HSDL1: variants seen among roughly 807,000 people sequenced by gnomAD.
HSDL1 encodes inactive hydroxysteroid dehydrogenase-like protein 1.
A neutral mutation model predicts 31.5 loss-of-function variants in HSDL1; 29 were observed. That is an observed-to-expected ratio of 0.92 (90% CI 0.69 to 1.26). The LOEUF (loss-of-function observed/expected upper bound fraction) is 1.26, where lower values mean the gene tolerates loss of function less well. Ranked by LOEUF, HSDL1 falls within the 50% of genes most tolerant of loss-of-function variation. The pLI is 0.00. For synonymous variants in HSDL1, 222 were observed against 155.2 expected (o/e 1.43, Z -3.20); for missense variants, 503 against 416.6 (o/e 1.21, Z -1.81).
In HSDL1 at chr16:84,122,643, C is replaced by T. The variant is rs542157285; in HGVS notation, c.*1987G>A. On this transcript the variant is annotated 3_prime_UTR_variant, in exon 6 of 6. Transcript: ENST00000219439. Reference sequence around the variant, plus strand: ...CTGGGATTACAGGTGTGAGCCACCGCACTCGGCCCCTATTTCCCACATTCT... The same window carrying T: ...CTGGGATTACAGGTGTGAGCCACCGTACTCGGCCCCTATTTCCCACATTCT... The T allele has an allele frequency of 6.6e-6, 1 of 152,352 alleles. No homozygotes were observed. Among genetic ancestry groups the T allele is most frequent in the East Asian group, 1.9e-4 (1 of 5,186 alleles). The allele number at this position is 152,352 out of a possible 1,614,324, so 9.4% of individuals were successfully genotyped here. A position where few individuals can be genotyped will look rare whatever the true frequency, so the allele number is the denominator to read the frequency against.
At chr16:84,133,420 T>C (rs2086685836) in intron 2 of HSDL1, among the ~76,000 whole-genome samples, 1 of 152,220 alleles carries the variant, frequency 6.6e-6, no homozygotes, top group Admixed American at 6.5e-5. Flanking sequence ...GTTACCAAAT[T>C]AAGCCAATGT....
At chr16:84,137,225 T>C (rs1372706532) in intron 1 of HSDL1, among the ~76,000 whole-genome samples, 2 of 152,156 alleles carry the variant, frequency 1.3e-5, no homozygotes, top group African/African-American at 4.8e-5. Flanking sequence ...GAGCAGAATT[T>C]CTGGGCAGAG....
At chr16:84,131,825 G>A (rs563624917) in intron 2 of HSDL1, among the ~76,000 whole-genome samples, 7 of 151,368 alleles carry the variant, frequency 4.6e-5, no homozygotes, top group African/African-American at 7.3e-5. Context: ...GACTACAGGC[G>A]CCCGCCACCT....
chr16:84,132,443 G>C (rs2086677881), intron 2 of HSDL1, among the ~76,000 whole-genome samples: 1 of 152,134 alleles, frequency 6.6e-6, no homozygotes, highest in Admixed American at 6.5e-5. Flanking sequence ...TGACAATAGA[G>C]GGAGCACTCC....
At chr16:84,136,558 C>T (rs951824363) in intron 1 of HSDL1, among the ~76,000 whole-genome samples, 1 of 152,218 alleles carries the variant, frequency 6.6e-6, no homozygotes, top group Non-Finnish European at 1.5e-5. Flanking sequence ...TGATCCTTTA[C>T]AGAAAGAAAA....
rs1302077998 is a variant in HSDL1 at position 84,124,587 on chromosome 16, G to A, written c.*43C>T. The A allele has an allele frequency of 1.7e-6, 2 of 1,146,400 alleles. No individual in the cohort carries two copies. The highest frequency in any genetic ancestry group is 1.7e-5 in the Admixed American group (1 of 58,186). The allele number at this position is 1,146,400 out of a possible 1,614,324, so 71.0% of individuals were successfully genotyped here. A position where few individuals can be genotyped will look rare whatever the true frequency, so the allele number is the denominator to read the frequency against. ...GTTTTTCCAAATGTCAGAATATCGA[G>A]GTTCCCAGGAGTTGGCAAAACTTCT... On this transcript the variant is annotated 3_prime_UTR_variant, in exon 6 of 6. Coordinates refer to ENST00000219439, the MANE Select transcript of HSDL1 (RefSeq NM_031463.5).
intron 1 of HSDL1, among the ~76,000 whole-genome samples, chr16:84,137,306 C>G (rs938584448): frequency 6.6e-6 from 1 of 152,206 alleles, no homozygotes; most frequent in Non-Finnish European, 1.5e-5. Context: ...CTGGCCTACT[C>G]GGGAAACATT....
chr16:84,133,734 A>G (rs1345082407), intron 2 of HSDL1, among the ~76,000 whole-genome samples: 1 of 152,108 alleles, frequency 6.6e-6, no homozygotes, highest in East Asian at 1.9e-4. Flanking sequence ...ATCTCGAAAC[A>G]AACAAACAAA....
Position 84,131,828 on chromosome 16 carries a change from C to G in HSDL1, c.-6-501G>C, listed in dbSNP as rs1018978021. Among the ~76,000 whole-genome samples the G allele has an allele frequency of 2.6e-5, 4 of 151,416 alleles. No homozygotes were observed. The East Asian group carries it at 7.7e-4, about 29-fold the overall frequency. On this transcript the variant is annotated intron_variant, in intron 2 of 5. Coordinates refer to ENST00000219439, the MANE Select transcript of HSDL1 (RefSeq NM_031463.5). ...CGGAGTAGCTGGGACTACAGGCGCC[C>G]GCCACCTCGCCCGGCTAATTTTTTG...
Position 84,129,687 on chromosome 16 carries a change from G to T in HSDL1, c.755C>A (p.Ala252Asp). 6.2e-7 allele frequency: 1 copy of T among 1,614,174 alleles called. No homozygotes were observed. The highest frequency in any genetic ancestry group is 8.5e-7 in the Non-Finnish European group (1 of 1,180,016). Residue 252 changes from alanine to aspartate, a missense_variant, in exon 5 of 6, where the codon GCC becomes GAC. Ala to Asp is a moderately radical substitution (Grantham distance 126). Transcript: ENST00000219439. ...FVQSLIPFYVATSMTAPSNFL... is the reference protein window; with the variant it reads ...FVQSLIPFYVDTSMTAPSNFL... ...GTTGCTGGGTGCTGTCATGCTGGTG[G>T]CTACATAGAAAGGGATTAGACTCTG...
chr16:84,143,366 T>C (rs1229834132), intron 1 of HSDL1, among the ~76,000 whole-genome samples: 1 of 152,224 alleles, frequency 6.6e-6, no homozygotes, highest in Non-Finnish European at 1.5e-5. Flanking sequence ...CCGTATGTTG[T>C]ATGTTTCCAC....
At position 84,124,407 on chromosome 16, in the gene HSDL1, G is replaced by A. The variant is rs1243657100; in HGVS notation, c.*223C>T. ...AGGGAAAAAGCACTGAAATGTAGAT[G>A]TCGTCAATCAGCCTCAGGCATTATT... On this transcript the variant is annotated 3_prime_UTR_variant, in exon 6 of 6. Transcript: ENST00000219439. The A allele has an allele frequency of 9.8e-6, 4 of 409,612 alleles. No individual in the cohort carries two copies. The highest frequency in any genetic ancestry group is 1.4e-5 in the Non-Finnish European group (3 of 221,074). The allele number at this position is 409,612 out of a possible 1,614,324, so 25.4% of individuals were successfully genotyped here.
rs2086581808 is a variant in HSDL1, at chr16:84,124,378, G to C, written c.*252C>G. On this transcript the variant is annotated 3_prime_UTR_variant, in exon 6 of 6. Transcript: ENST00000219439. The stretch of plus-strand genomic sequence containing the variant: ...AACAGAAAAGCGTAACTTTCAAACA[G>C]CTTAGGGAAAAAGCACTGAAATGTA... 1 of 341,044 alleles carries C rather than the reference G, an allele frequency of 2.9e-6. No individual in the cohort carries two copies. The highest frequency in any genetic ancestry group is 2.1e-5 in the African/African-American group (1 of 47,836). 21.1% of individuals were successfully genotyped at this position (341,044 alleles called of 1,614,324 possible).
chr16:84,123,246 T>A lies in HSDL1; in HGVS notation c.*1384A>T, dbSNP rs112094153. On this transcript the variant is annotated 3_prime_UTR_variant, in exon 6 of 6. Coordinates refer to ENST00000219439, the MANE Select transcript of HSDL1 (RefSeq NM_031463.5). ...AAAATTGTGTTCATAAAACTGTGCT[T>A]AGGTCTGCTTATGATAGATTATCAC... The A allele has an allele frequency of 6.6e-6, 1 of 152,196 alleles. No individual in the cohort carries two copies. Among genetic ancestry groups the A allele is most frequent in the East Asian group, 1.9e-4 (1 of 5,204 alleles). The allele number at this position is 152,196 out of a possible 1,614,324, so 9.4% of individuals were successfully genotyped here.
In HSDL1 at chr16:84,145,139, G is replaced by C. The variant is rs1051002628; in HGVS notation, c.-128C>G. 50 of 200,936 alleles carry C rather than the reference G, an allele frequency of 2.5e-4. No homozygotes were observed. The highest frequency in any genetic ancestry group is 3.8e-4 in the Non-Finnish European group (39 of 101,562). 12.4% of individuals were successfully genotyped at this position (200,936 alleles called of 1,614,324 possible). ...CCAGACCCGCGCGGCCGCCGCCCCCGTCTCGGCCGCCGGAGCTGCTGCCGC... is the reference window on the plus strand; with the variant it reads ...CCAGACCCGCGCGGCCGCCGCCCCCCTCTCGGCCGCCGGAGCTGCTGCCGC... On this transcript the variant is annotated 5_prime_UTR_variant, in exon 1 of 6. Transcript: ENST00000219439.
intron 1 of HSDL1, among the ~76,000 whole-genome samples, chr16:84,143,609 C>G (rs947663024): frequency 2.0e-5 from 3 of 151,890 alleles, no homozygotes; most frequent in Admixed American, 2.0e-4. Context: ...TTATGTCATG[C>G]GTAAGTCATT....
intron 2 of HSDL1, among the ~76,000 whole-genome samples, chr16:84,132,615 A>C (rs1474831342): frequency 6.6e-6 from 1 of 152,234 alleles, no homozygotes; most frequent in Non-Finnish European, 1.5e-5. Flanking sequence ...AGATGAACTA[A>C]ATGACCGTCC....
Position 84,129,554 on chromosome 16 carries a change from A to G in HSDL1, c.888T>C (p.Ser296=), listed in dbSNP as rs1278453889. ...SKRTTGYWSH[S]IQFLFAQYMP... ...ACCTGAAGCACACTCCTACCTGAAT[A>G]GAATGGGACCAATATCCTGTGGTCC... The change falls in exon 5 of 6, where the codon TCT becomes TCC. Residue 296 remains serine, a synonymous_variant. Coordinates refer to ENST00000219439, the MANE Select transcript of HSDL1 (RefSeq NM_031463.5). 2 of 1,610,252 alleles carry G rather than the reference A, an allele frequency of 1.2e-6. No homozygotes were observed. Among genetic ancestry groups the G allele is most frequent in the African/African-American group, 2.7e-5 (2 of 74,868 alleles).
At chr16:84,131,808 T>C (rs913777259) in intron 2 of HSDL1, among the ~76,000 whole-genome samples, 3 of 151,412 alleles carry the variant, frequency 2.0e-5, no homozygotes, top group African/African-American at 4.9e-5. Context: ...GCCTCCGGAG[T>C]AGCTGGGACT....
Sources: gnomAD v4.1 joint callset for allele counts (sites outside exome capture counted in the v4.1 genomes callset) on GRCh38, gnomAD v4.1.1 for gene constraint, MANE v1.5 for transcripts, NCBI Gene and HGNC (gene_info 2026-07-23, HGNC 2026-07-21) for gene names.